The following LRP6 variants were observed in gnomAD, a reference collection of about 807,000 sequenced individuals.
The protein encoded by LRP6 is LDL receptor related protein 6.
In LRP6, 43 loss-of-function variants were observed where a neutral mutation model predicts 184.1. The ratio of observed to expected loss-of-function variants is 0.23; its 90% CI spans 0.18 to 0.30. LRP6 has a LOEUF of 0.30. Among genes scored for constraint, LRP6 ranks in the 10% least tolerant of loss-of-function variants. LRP6 has a pLI of 1.00. For missense variants in LRP6, 1,571 were observed against 2,005.3 expected (o/e 0.78, Z 4.14); for synonymous variants, 719 against 684.9 (o/e 1.05, Z -0.78).
intron 1 of LRP6, among the ~76,000 whole-genome samples, chr12:12,257,896 G>A (rs573159777): frequency 4.0e-5 from 6 of 149,996 alleles, no homozygotes; most frequent in African/African-American, 1.5e-4. Flanking sequence ...GAGACCAGGA[G>A]GTCCAGGCTG....
intron 10 of LRP6, among the ~76,000 whole-genome samples, chr12:12,161,807 T>C (rs950243820): frequency 6.6e-6 from 1 of 152,110 alleles, no homozygotes; most frequent in African/African-American, 2.4e-5. Context: ...TAAATGTAGT[T>C]TTTTCTTAGC....
chr12:12,243,823 T>C (rs1349098997), intron 2 of LRP6, among the ~76,000 whole-genome samples: 1 of 152,168 alleles, frequency 6.6e-6, no homozygotes, highest in Non-Finnish European at 1.5e-5. Context: ...CGATCTCAGC[T>C]CACTGCAACC....
At chr12:12,233,267 A>T (rs1028808594) in intron 2 of LRP6, among the ~76,000 whole-genome samples, 2 of 152,100 alleles carry the variant, frequency 1.3e-5, no homozygotes, top group Admixed American at 1.3e-4. Context: ...GGAGATCGAG[A>T]CCATCCTGGC....
At chr12:12,193,484 T>C (rs990022591) in intron 3 of LRP6, among the ~76,000 whole-genome samples, 2 of 149,816 alleles carry the variant, frequency 1.3e-5, no homozygotes, top group African/African-American at 4.9e-5. Flanking sequence ...GACAACCCTT[T>C]AGTGCTAGAC....
chr12:12,175,949 C>T (rs532471812), intron 7 of LRP6, among the ~76,000 whole-genome samples: 238 of 151,286 alleles, frequency 1.6e-3, no homozygotes, highest in Non-Finnish European at 2.1e-3. Flanking sequence ...AAATTATCAA[C>T]GATATATCTT....
At chr12:12,148,672 T>C (rs368055674) in intron 14 of LRP6, among the ~76,000 whole-genome samples, 4 of 152,216 alleles carry the variant, frequency 2.6e-5, no homozygotes, top group East Asian at 3.9e-4. Flanking sequence ...CGAGGAAAAC[T>C]TCCTGGAGGA....
chr12:12,128,680 G>A (rs528261552), intron 19 of LRP6, among the ~76,000 whole-genome samples: 40 of 152,272 alleles, frequency 2.6e-4, no homozygotes, highest in African/African-American at 8.9e-4. Flanking sequence ...CAAAGTACAC[G>A]CCTGCCTAAA....
chr12:12,231,471 A>T (rs1204198238), intron 2 of LRP6, among the ~76,000 whole-genome samples: 1 of 152,186 alleles, frequency 6.6e-6, no homozygotes, highest in Non-Finnish European at 1.5e-5. Context: ...TTTCATAATC[A>T]TAAGACTGCC....
Position 12,165,224 on chromosome 12 carries a change from A to C in LRP6, c.1617T>G (p.Thr539=). ...TCCAGTAAACATAGTCACCCAACAA[A>C]GTAAATCCAAATATGTGAGGAATTT... ...EDKIPHIFGF[T]LLGDYVYWTD... Residue 539 remains threonine (T), a synonymous_variant, in exon 8 of 23, where the codon ACT becomes ACG. Transcript: ENST00000261349. 6.2e-7 allele frequency: 1 copy of C among 1,614,188 alleles called. No homozygotes were observed. Among genetic ancestry groups the C allele is most frequent in the South Asian group, 1.1e-5 (1 of 91,088 alleles).
chr12:12,124,725 A>C, intron 21 of LRP6, 63 bp from the exon 22 acceptor site: 1 of 1,055,552 alleles, frequency 9.5e-7, no homozygotes. Flanking sequence ...ACTTTCTTTC[A>C]ACTTTTCTTC....
chr12:12,200,810 T>C (rs1374954450), intron 3 of LRP6, among the ~76,000 whole-genome samples: 1 of 152,204 alleles, frequency 6.6e-6, no homozygotes, highest in Non-Finnish European at 1.5e-5. Flanking sequence ...TCCTGGAACT[T>C]AGGGTTTGAG....
intron 1 of LRP6, among the ~76,000 whole-genome samples, chr12:12,247,758 A>G (rs988589516): frequency 1.3e-5 from 2 of 152,234 alleles, no homozygotes; most frequent in Non-Finnish European, 2.9e-5. Flanking sequence ...ATACACTGGA[A>G]CCACATACTT....
At chr12:12,133,855 G>GTTTT (rs1949792400) in intron 17 of LRP6, among the ~76,000 whole-genome samples, 1 of 115,392 alleles carries the variant, frequency 8.7e-6, no homozygotes, top group Non-Finnish European at 1.9e-5. Context: ...TGGGGGGGGG[G>GTTTT]GGGGGGGAGG....
rs11054697 is a variant in LRP6, at chr12:12,119,539, T to C, written c.*1587A>G. On this transcript the variant is annotated 3_prime_UTR_variant, in exon 23 of 23. Transcript: ENST00000261349. ...AGGTCAGCCCTGATAGCTCAAGATG[T>C]AGCAGCCCCAGTACCATACATGACA... The C allele has an allele frequency of 0.2, 31,033 of 152,072 alleles. 3,453 individuals are homozygous for C. The highest frequency in any genetic ancestry group is 0.29 in the African/African-American group (11,906 of 41,440). 9.4% of individuals were successfully genotyped at this position (152,072 alleles called of 1,614,324 possible). A position where few individuals can be genotyped will look rare whatever the true frequency, so the allele number is the denominator to read the frequency against.
chr12:12,147,844 G>T (rs937473991), intron 14 of LRP6, among the ~76,000 whole-genome samples: 4 of 151,798 alleles, frequency 2.6e-5, no homozygotes, highest in African/African-American at 9.7e-5. Context: ...GCATGGTGGC[G>T]TGTGCCTGTA....
chr12:12,153,011 C>A (rs1444427759), intron 12 of LRP6, among the ~76,000 whole-genome samples: 1 of 152,248 alleles, frequency 6.6e-6, no homozygotes, highest in Non-Finnish European at 1.5e-5. Context: ...ATCTCCATTT[C>A]TGGAGTCCAT....
chr12:12,158,679 C>A (rs887238545), intron 12 of LRP6, 150 bp downstream of exon 12: 1 of 736,594 alleles, frequency 1.4e-6, no homozygotes, highest in Non-Finnish European at 2.3e-6. Flanking sequence ...TAATAAGTAA[C>A]AAACACTTGC....
chr12:12,257,554 C>A (rs1431693959), intron 1 of LRP6, among the ~76,000 whole-genome samples: 2 of 143,438 alleles, frequency 1.4e-5, no homozygotes, highest in Non-Finnish European at 3.0e-5. Context: ...GCACTCCAGC[C>A]TGGGCGACAG....
chr12:12,259,508 C>G (rs1426700142), intron 1 of LRP6, among the ~76,000 whole-genome samples: 1 of 152,114 alleles, frequency 6.6e-6, no homozygotes, highest in African/African-American at 2.4e-5. Flanking sequence ...AAAAGGATCA[C>G]AGCATCAAAG....
Sources: gnomAD v4.1 joint callset for allele counts (sites outside exome capture counted in the v4.1 genomes callset) on GRCh38, gnomAD v4.1.1 for gene constraint, MANE v1.5 for transcripts, NCBI Gene and HGNC (gene_info 2026-07-23, HGNC 2026-07-21) for gene names.